CCDC17: variants seen among roughly 807,000 people sequenced by gnomAD.
CCDC17 encodes coiled-coil domain containing 17.
In CCDC17, 79 loss-of-function variants were observed where a neutral mutation model predicts 68.0. The observed-to-expected ratio is 1.16, with a 90% CI of 0.97 to 1.40. The LOEUF (loss-of-function observed/expected upper bound fraction) is 1.40, where lower values mean the gene tolerates loss of function less well. CCDC17 is among the 40% of genes most tolerant of loss of function. The pLI, the probability that CCDC17 is intolerant of heterozygous loss-of-function variation, is 0.00. For synonymous variants in CCDC17, 376 were observed against 337.5 expected (o/e 1.11, Z -1.25); for missense variants, 846 against 811.5 (o/e 1.04, Z -0.52).
At chr1:45,620,860 C>CTT (rs771407862) in intron 11 of CCDC17, 27 bp from the exon 12 acceptor site, 60 of 1,610,684 alleles carry the variant, frequency 3.7e-5, no homozygotes, top group Admixed American at 5.1e-5. Context: ...TGGTATTGCA[C>CTT]TTGTACTTTG....
chr1:45,622,532 G>C lies in CCDC17; in HGVS notation c.859+17C>G. The C allele has an allele frequency of 6.5e-7, 1 of 1,549,648 alleles. No individual in the cohort carries two copies. Among genetic ancestry groups the C allele is most frequent in the East Asian group, 2.4e-5 (1 of 40,916 alleles). ...TCCCAGGACTGACCACCGCTGGCGA[G>C]AGGCCCTCCTGTTCACCTCTGCGGG... On this transcript the variant is annotated intron_variant, in intron 6 of 12. Transcript: ENST00000528266.
rs762639663 is a variant in CCDC17 at position 45,620,889 on chromosome 1, C to T, written c.1599+14G>A. ...TACTTTGCTGTATGCCCAATCCCTGCGCACCACACTCACCTGAGGAATCCC... is the reference window on the plus strand; with the variant it reads ...TACTTTGCTGTATGCCCAATCCCTGTGCACCACACTCACCTGAGGAATCCC... On this transcript the variant is annotated intron_variant, in intron 11 of 12. Coordinates refer to ENST00000528266, the MANE Select transcript of CCDC17 (RefSeq NM_001114938.3). 94 of 1,612,394 alleles carry T rather than the reference C, an allele frequency of 5.8e-5. No individual in the cohort carries two copies. The highest frequency in any genetic ancestry group is 3.9e-4 in the South Asian group (35 of 90,724).
chr1:45,621,824 T>C (rs1303286125), intron 8 of CCDC17, 53 bp downstream of exon 8: 1 of 1,594,406 alleles, frequency 6.3e-7, no homozygotes, highest in Non-Finnish European at 8.5e-7. Flanking sequence ...TCCAACCTGT[T>C]CCCCCAACCC....
In CCDC17 at chr1:45,623,076, C is replaced by T. The variant is rs762780592; in HGVS notation, c.535G>A (p.Gly179Arg). The T allele has an allele frequency of 2.5e-6, 4 of 1,601,200 alleles. No homozygotes were observed. Among genetic ancestry groups the T allele is most frequent in the Non-Finnish European group, 3.4e-6 (4 of 1,174,368 alleles). ...RLQVVACTRG[G>R]MSRLFGLEQE... Reference sequence around the variant, plus strand: ...TCCAGGCCGAAGAGGCGGGACATCCCGCCCCGCGTACAGGCCACAACTTGG... The same window carrying T: ...TCCAGGCCGAAGAGGCGGGACATCCTGCCCCGCGTACAGGCCACAACTTGG... Residue 179 changes from glycine (G) to arginine (R), a missense_variant, in exon 4 of 13, where the codon GGG becomes AGG. By Grantham distance (125) the Gly-to-Arg change is moderately radical (BLOSUM62 -2). Coordinates refer to ENST00000528266, the MANE Select transcript of CCDC17 (RefSeq NM_001114938.3).
Position 45,622,226 on chromosome 1 carries a change from G to A in CCDC17, c.967+15C>T, listed in dbSNP as rs185868141. ...GAGATAAGTGGGATGGGATAGGGTT[G>A]GGGTGCTCACTGACCCAAGGGTGCC... On this transcript the variant is annotated intron_variant, in intron 7 of 12. Transcript: ENST00000528266. 8 of 1,604,196 alleles carry A rather than the reference G, an allele frequency of 5.0e-6. No homozygotes were observed. The highest frequency in any genetic ancestry group is 1.7e-5 in the Admixed American group (1 of 59,252).
chr1:45,620,358 CTG>C lies in CCDC17; in HGVS notation c.1784_1785del (p.Thr595ArgfsTer10). 6.2e-7 allele frequency: 1 copy of C among 1,607,846 alleles called. No individual in the cohort carries two copies. The highest frequency in any genetic ancestry group is 8.5e-7 in the Non-Finnish European group (1 of 1,177,820). On this transcript the variant is annotated frameshift_variant, in exon 13 of 13. Coordinates refer to ENST00000528266, the MANE Select transcript of CCDC17 (RefSeq NM_001114938.3). LOFTEE classifies it low-confidence loss of function (END_TRUNC). ...TCCTTGACTCCACTGAGGGGCTCTT[CTG>C]TACGAGGTGGGGGATCAGCAAAGCC... ...AVGFADPPPRTEEPLSGVKDR... is the reference protein window; with the variant it reads ...AVGFADPPPRXEEPLSGVKDR...
In CCDC17 at chr1:45,622,790, A is replaced by AC; in HGVS notation, c.700dup (p.Val234GlyfsTer69). On this transcript the variant is annotated frameshift_variant, in exon 5 of 13. Transcript: ENST00000528266. LOFTEE classifies it high-confidence loss of function. ...CAGAGTTCCCGGGTTGGCCTTTTGC[A>AC]CTGGAGAATAAAGTTCTGCCTCTCG... 6.2e-7 allele frequency: 1 copy of AC among 1,602,706 alleles called. No homozygotes were observed. Among genetic ancestry groups the AC allele is most frequent in the South Asian group, 1.1e-5 (1 of 88,886 alleles).
At position 45,622,759 on chromosome 1, in the gene CCDC17, G is replaced by A. The variant is rs1013157971; in HGVS notation, c.732C>T (p.Ala244=). ...CCGGCCCCGGCTCTCACCGGATTTCGGCAGCCAGAGTTCCCGGGTTGGCCT... is the reference window on the plus strand; with the variant it reads ...CCGGCCCCGGCTCTCACCGGATTTCAGCAGCCAGAGTTCCCGGGTTGGCCT... ...VQKANPGTLA[A]EIRALREAYI... is the part of the protein sequence containing the mutation. Residue 244 remains alanine, a synonymous_variant, in exon 5 of 13, where the codon GCC becomes GCT. Coordinates refer to ENST00000528266, the MANE Select transcript of CCDC17 (RefSeq NM_001114938.3). The A allele has an allele frequency of 6.3e-7, 1 of 1,593,492 alleles. No homozygotes were observed. The highest frequency in any genetic ancestry group is 2.3e-5 in the East Asian group (1 of 43,994).
Position 45,622,966 on chromosome 1 carries a change from C to T in CCDC17, c.645G>A (p.Gln215=). 3 of 1,600,552 alleles carry T rather than the reference C, an allele frequency of 1.9e-6. No homozygotes were observed. In the South Asian group the frequency reaches 3.4e-5, roughly 18 times the overall value. Reference sequence around the variant, plus strand: ...TAGTCGGGTCTCACCCTGGCTCCGCCTGCAGCTCCTGAATGCGGGCCCCCA... The same window carrying T: ...TAGTCGGGTCTCACCCTGGCTCCGCTTGCAGCTCCTGAATGCGGGCCCCCA... ...EVLGARIQEL[Q]AEPGNPLSSR... The change falls in exon 4 of 13, where the codon CAG becomes CAA. Residue 215 remains glutamine (Q), a synonymous_variant. Coordinates refer to ENST00000528266, the MANE Select transcript of CCDC17 (RefSeq NM_001114938.3).
rs771125808 is a variant in CCDC17 at position 45,621,967 on chromosome 1, A to C, written c.996T>G (p.Asp332Glu). The change falls in exon 8 of 13, where the codon GAT (aspartate) becomes GAG (glutamate). Residue 332 changes from aspartate (D) to glutamate (E), a missense_variant. Physicochemically the swap from Asp to Glu is conservative, Grantham distance 45. Transcript: ENST00000528266. Reference sequence around the variant, plus strand: ...TCCTCCCCTTCGGTTGTAGGCTGGCATCCCCCAGGAGTCGCAGATCCTGGG... The same window carrying C: ...TCCTCCCCTTCGGTTGTAGGCTGGCCTCCCCCAGGAGTCGCAGATCCTGGG... ...LGPQDLRLLGDASLQPKGRRD... is the reference protein window; with the variant it reads ...LGPQDLRLLGEASLQPKGRRD... 37 of 1,610,224 alleles carry C rather than the reference A, an allele frequency of 2.3e-5. No individual in the cohort carries two copies. The highest frequency in any genetic ancestry group is 3.1e-5 in the Non-Finnish European group (37 of 1,178,780).
Position 45,621,048 on chromosome 1 carries a change from G to C in CCDC17, c.1454C>G (p.Ala485Gly). The C allele has an allele frequency of 6.2e-7, 1 of 1,613,980 alleles. No homozygotes were observed. Among genetic ancestry groups the C allele is most frequent in the African/African-American group, 1.3e-5 (1 of 75,044 alleles). The change falls in exon 11 of 13, where the codon GCT becomes GGT. Residue 485 changes from alanine (A) to glycine (G), a missense_variant. By Grantham distance (60) the Ala-to-Gly change is moderately conservative. Transcript: ENST00000528266. ...CCAAGCCTTTGGCTGTGGTGCCCTAGCCCATGCTAGCCCCTGCCAGACCTG... is the reference window on the plus strand; with the variant it reads ...CCAAGCCTTTGGCTGTGGTGCCCTACCCCATGCTAGCCCCTGCCAGACCTG... ...ELQVWQGLAW[A>G]RAPQPKAWVS...
chr1:45,621,558 C>G (rs1644256497), intron 9 of CCDC17, 74 bp from the exon 10 acceptor site: 2 of 1,583,842 alleles, frequency 1.3e-6, no homozygotes, highest in South Asian at 1.1e-5. Context: ...GGTCCCTAAC[C>G]CTATCTGGTC....
At position 45,623,073 on chromosome 1, in the gene CCDC17, TCCCGCCCCGCGTAC is replaced by T. The variant is rs760558647; in HGVS notation, c.524_537del (p.Cys175TyrfsTer17). ...TGCTCCAGGCCGAAGAGGCGGGACA[TCCCGCCCCGCGTAC>T]AGGCCACAACTTGGAGGCGTCGGCT... is the stretch of plus-strand genomic sequence containing the variant. On this transcript the variant is annotated frameshift_variant, in exon 4 of 13. Transcript: ENST00000528266. LOFTEE classifies it high-confidence loss of function. The T allele has an allele frequency of 2.2e-5, 35 of 1,603,350 alleles. No individual in the cohort carries two copies. The African/African-American group carries it at 4.3e-4, about 20-fold the overall frequency.
chr1:45,623,405 C>T lies in CCDC17; in HGVS notation c.305G>A (p.Arg102Gln), dbSNP rs944952786. The change falls in exon 3 of 13, where the codon CGG (arginine) becomes CAG (glutamine). Residue 102 changes from arginine (R) to glutamine (Q), a missense_variant. Arg to Gln is a conservative substitution (Grantham distance 43, BLOSUM62 1). Transcript: ENST00000528266. Reference sequence around the variant, plus strand: ...CCTGGGGACCTCTGTTATCCAGGGCCGCATTTCCTGTAGGGATAGCCGCAG... The same window carrying T: ...CCTGGGGACCTCTGTTATCCAGGGCTGCATTTCCTGTAGGGATAGCCGCAG... ...QWLRLSLQEM[R>Q]PWITEVPRVF... 4 of 1,550,526 alleles carry T rather than the reference C, an allele frequency of 2.6e-6. No homozygotes were observed. Among genetic ancestry groups the T allele is most frequent in the African/African-American group, 1.4e-5 (1 of 73,076 alleles).
Position 45,622,599 on chromosome 1 carries a change from A to G in CCDC17, c.809T>C (p.Leu270Ser). The G allele has an allele frequency of 6.4e-7, 1 of 1,555,656 alleles. No individual in the cohort carries two copies. Among genetic ancestry groups the G allele is most frequent in the Non-Finnish European group, 8.7e-7 (1 of 1,149,542 alleles). The change falls in exon 6 of 13, where the codon TTG becomes TCG. Residue 270 changes from leucine to serine, a missense_variant. By Grantham distance (145) the Leu-to-Ser change is moderately radical (BLOSUM62 -2). Transcript: ENST00000528266. Reference sequence around the variant, plus strand: ...CTCCAGTGCAGACGCCTCCACCTGCAACTGCCATATCTGGCCCAGCACGCC... The same window carrying G: ...CTCCAGTGCAGACGCCTCCACCTGCGACTGCCATATCTGGCCCAGCACGCC... ...DPGVLGQIWQLQVEASALELQ... is the reference protein window; with the variant it reads ...DPGVLGQIWQSQVEASALELQ...
rs896091694 is a variant in CCDC17, at chr1:45,621,197, G to C, written c.1388+84C>G. On this transcript the variant is annotated intron_variant, in intron 10 of 12. Coordinates refer to ENST00000528266, the MANE Select transcript of CCDC17 (RefSeq NM_001114938.3). ...TAGCCCTTTAGAGCCAGCGGCCTCTGTATACAGATGAGAAAACTTAGCAGA... is the reference window on the plus strand; with the variant it reads ...TAGCCCTTTAGAGCCAGCGGCCTCTCTATACAGATGAGAAAACTTAGCAGA... 9 of 1,551,164 alleles carry C rather than the reference G, an allele frequency of 5.8e-6. No homozygotes were observed. In the African/African-American group the frequency reaches 9.6e-5, roughly 16 times the overall value.
Position 45,620,700 on chromosome 1 carries a change from C to T in CCDC17, c.1710+23G>A, listed in dbSNP as rs1377877309. ...CACCGGTATGTGTAGCTGTGGTGTCCCTAGCTGCAGCTGGGCCCTCACCGG... is the reference window on the plus strand; with the variant it reads ...CACCGGTATGTGTAGCTGTGGTGTCTCTAGCTGCAGCTGGGCCCTCACCGG... On this transcript the variant is annotated intron_variant, in intron 12 of 12. Transcript: ENST00000528266. 3.2e-6 allele frequency: 5 copies of T among 1,572,940 alleles called. No homozygotes were observed. The African/African-American group carries it at 6.7e-5, about 21-fold the overall frequency.
At chr1:45,623,493 T>C in intron 2 of CCDC17, 54 bp from the exon 3 acceptor site, 1 of 1,549,290 alleles carries the variant, frequency 6.5e-7, no homozygotes, top group Non-Finnish European at 8.7e-7. Flanking sequence ...GTCCCAAGTA[T>C]GATCTACAGG....
rs1569655088 is a variant in CCDC17, at chr1:45,621,021, A to C, written c.1481T>G (p.Val494Gly). The change falls in exon 11 of 13, where the codon GTC (valine) becomes GGC (glycine). Residue 494 changes from valine (V) to glycine (G), a missense_variant. Coordinates refer to ENST00000528266, the MANE Select transcript of CCDC17 (RefSeq NM_001114938.3). ...WARAPQPKAW[V>G]SLGLFDQDQR... The stretch of plus-strand genomic sequence containing the variant: ...ATCTTGGTCAAATAGTCCAAGTGAG[A>C]CCCAAGCCTTTGGCTGTGGTGCCCT... 6.2e-7 allele frequency: 1 copy of C among 1,613,918 alleles called. No individual in the cohort carries two copies. Among genetic ancestry groups the C allele is most frequent in the Non-Finnish European group, 8.5e-7 (1 of 1,179,862 alleles).
Sources: allele counts gnomAD v4.1 joint callset, GRCh38; gene constraint gnomAD v4.1.1; transcripts MANE v1.5; gene names NCBI Gene and HGNC (gene_info 2026-07-23, HGNC 2026-07-21).